CDIN1: variants seen among roughly 807,000 people sequenced by gnomAD.
The protein encoded by CDIN1 is CDAN1-interacting nuclease 1.
CDIN1 carries 33 observed loss-of-function variants against 45.3 expected under a neutral mutation model. That is an observed-to-expected ratio of 0.73 (90% CI 0.55 to 0.97). The LOEUF is 0.97. CDIN1 is among the 50% of genes least tolerant of loss of function. The pLI, the probability that CDIN1 is intolerant of heterozygous loss-of-function variation, is 0.00. For synonymous variants in CDIN1, 118 were observed against 124.4 expected (o/e 0.95, Z 0.34); for missense variants, 303 against 339.4 (o/e 0.89, Z 0.84).
chr15:36,740,107 A>G (rs10152923), intron 10 of CDIN1, among the ~76,000 whole-genome samples: 2,330 of 152,346 alleles, frequency 0.015, 67 homozygotes, highest in African/African-American at 0.053. Context: ...TGCCTACTAC[A>G]TTAGAATATT....
chr15:36,711,822 G>A (rs1328009400), intron 10 of CDIN1, among the ~76,000 whole-genome samples: 1 of 152,082 alleles, frequency 6.6e-6, no homozygotes, highest in Non-Finnish European at 1.5e-5. Context: ...GTTCAAAAAG[G>A]AACATTTAGT....
At chr15:36,707,606 A>G (rs12592671) in intron 8 of CDIN1, 1 of 152,022 alleles carries the variant, frequency 6.6e-6, no homozygotes, top group Non-Finnish European at 1.5e-5. Context: ...CACTGTTATC[A>G]GAAACGTAAT....
At chr15:36,635,873 G>A (rs1269489976) in intron 1 of CDIN1, among the ~76,000 whole-genome samples, 1 of 152,134 alleles carries the variant, frequency 6.6e-6, no homozygotes, top group Non-Finnish European at 1.5e-5. Context: ...GAGAGGATTA[G>A]TGCACTGGAA....
chr15:36,622,697 A>G (rs1219742687), intron 1 of CDIN1, among the ~76,000 whole-genome samples: 2 of 152,198 alleles, frequency 1.3e-5, no homozygotes, highest in African/African-American at 4.8e-5. Context: ...AGTGCTACTC[A>G]CTGGTCTGGT....
Position 36,699,799 on chromosome 15 carries a change from T to C in CDIN1, c.544+2409T>C, listed in dbSNP as rs150625977. ...CCTGAGCAGTTGTTATGGCACAAGATCTAGCCAGGAACTATAGGAAAGAAA... is the reference window on the plus strand; with the variant it reads ...CCTGAGCAGTTGTTATGGCACAAGACCTAGCCAGGAACTATAGGAAAGAAA... On this transcript the variant is annotated intron_variant, in intron 8 of 10. Coordinates refer to ENST00000566621, the MANE Select transcript of CDIN1 (RefSeq NM_001321759.2). Among the ~76,000 whole-genome samples, 40 of 152,310 alleles carry C rather than the reference T, an allele frequency of 2.6e-4. No homozygotes were observed. In the East Asian group the frequency reaches 6.6e-3, roughly 25 times the overall value.
chr15:36,679,351 G>C (rs1244648928), intron 5 of CDIN1, among the ~76,000 whole-genome samples: 1 of 152,208 alleles, frequency 6.6e-6, no homozygotes, highest in Non-Finnish European at 1.5e-5. Context: ...AACAGCCCAA[G>C]TTCATAACAG....
intron 10 of CDIN1, among the ~76,000 whole-genome samples, chr15:36,778,844 A>AGC (rs2054282565): frequency 6.6e-6 from 1 of 152,258 alleles, no homozygotes; most frequent in South Asian, 2.1e-4. Flanking sequence ...ATGCTGAAAT[A>AGC]AATATTTAAG....
In CDIN1 at chr15:36,684,395, T is replaced by G. The variant is rs932715085; in HGVS notation, c.347-7290T>G. ...ATTACATTTATTGATTTGCATATAT[T>G]GAACCAGCCTTGCATCCCAGGGATG... On this transcript the variant is annotated intron_variant, in intron 5 of 10. Coordinates refer to ENST00000566621, the MANE Select transcript of CDIN1 (RefSeq NM_001321759.2). Among the ~76,000 whole-genome samples, 14 of 152,268 alleles carry G rather than the reference T, an allele frequency of 9.2e-5. No homozygotes were observed. The East Asian group carries it at 1.2e-3, about 13-fold the overall frequency.
chr15:36,655,754 C>G (rs2040758954), intron 4 of CDIN1, among the ~76,000 whole-genome samples: 2 of 152,182 alleles, frequency 1.3e-5, no homozygotes, highest in South Asian at 4.1e-4. Context: ...AAGCTAGCAG[C>G]ATTCCAGACA....
chr15:36,650,403 TTTATTTATTTATTTA>T (rs1227036193), intron 3 of CDIN1, among the ~76,000 whole-genome samples: 1 of 896 alleles, frequency 1.1e-3, no homozygotes, highest in Non-Finnish European at 2.6e-3. Context: ...TGAGAAAATT[TTTATTTATTTATTTA>T]TTTATTTATT....
At chr15:36,754,463 A>G (rs1178211078) in intron 10 of CDIN1, among the ~76,000 whole-genome samples, 1 of 151,576 alleles carries the variant, frequency 6.6e-6, no homozygotes. Flanking sequence ...GTCAGGCCTA[A>G]TCTTTTTATG....
chr15:36,651,188 A>G (rs901227870), intron 3 of CDIN1, among the ~76,000 whole-genome samples: 11 of 152,200 alleles, frequency 7.2e-5, no homozygotes. Context: ...ACCTTAATGT[A>G]GTATTGAGAA....
In CDIN1 at chr15:36,803,077, GTC is replaced by G. The variant is rs2055103146; in HGVS notation, c.717-5241_717-5240del. Among the ~76,000 whole-genome samples, 10 of 151,926 alleles carry G rather than the reference GTC, an allele frequency of 6.6e-5. No individual in the cohort carries two copies. The South Asian group carries it at 2.1e-3, about 32-fold the overall frequency. On this transcript the variant is annotated intron_variant, in intron 10 of 10. Coordinates refer to ENST00000566621, the MANE Select transcript of CDIN1 (RefSeq NM_001321759.2). Reference sequence around the variant, plus strand: ...ACTCTCACAGTTGGGGCATTTTTATGTCTCTCTTCACTGCTTGCCAGCAGGAA... The same window carrying G: ...ACTCTCACAGTTGGGGCATTTTTATGTCTCTTCACTGCTTGCCAGCAGGAA...
At chr15:36,664,209 T>G (rs761984400) in intron 5 of CDIN1, among the ~76,000 whole-genome samples, 5 of 152,124 alleles carry the variant, frequency 3.3e-5, no homozygotes, top group Non-Finnish European at 5.9e-5. Context: ...GAAATTCAGG[T>G]TCCAGACCAC....
At chr15:36,764,214 GTTTTTTTT>G (rs11297312) in intron 10 of CDIN1, among the ~76,000 whole-genome samples, 14 of 116,290 alleles carry the variant, frequency 1.2e-4, no homozygotes, top group Admixed American at 4.5e-4. Flanking sequence ...TGTGGTTTTG[GTTTTTTTT>G]TTTTTTTTTT....
intron 10 of CDIN1, among the ~76,000 whole-genome samples, chr15:36,732,302 G>A (rs2043861107): frequency 6.6e-6 from 1 of 152,006 alleles, no homozygotes; most frequent in African/African-American, 2.4e-5. Flanking sequence ...GGGAAAGGGA[G>A]GAACTGTACT....
At chr15:36,651,118 T>C (rs1010330773) in intron 3 of CDIN1, among the ~76,000 whole-genome samples, 6 of 152,072 alleles carry the variant, frequency 3.9e-5, no homozygotes, top group Non-Finnish European at 7.4e-5. Flanking sequence ...ATCAACTCAA[T>C]GCTAGCAAGA....
chr15:36,647,898 G>A (rs1402733957), intron 3 of CDIN1, among the ~76,000 whole-genome samples: 3 of 146,692 alleles, frequency 2.0e-5, no homozygotes, highest in Admixed American at 1.4e-4. Context: ...GGAGCACAGT[G>A]ACGCAATCTC....
At chr15:36,761,487 C>G (rs897913200) in intron 10 of CDIN1, among the ~76,000 whole-genome samples, 7 of 152,164 alleles carry the variant, frequency 4.6e-5, no homozygotes, top group Non-Finnish European at 1.0e-4. Context: ...ATGATACGGT[C>G]TTTCTTCTTT....
Sources: gnomAD v4.1 joint callset for allele counts (sites outside exome capture counted in the v4.1 genomes callset) on GRCh38, gnomAD v4.1.1 for gene constraint, MANE v1.5 for transcripts, NCBI Gene and HGNC (gene_info 2026-07-23, HGNC 2026-07-21) for gene names.